Variants in PTPRO observed in about 807,000 individuals in gnomAD.
PTPRO encodes receptor-type tyrosine-protein phosphatase O.
PTPRO carries 62 observed loss-of-function variants against 145.2 expected under a neutral mutation model. That is an observed-to-expected ratio of 0.43 (90% CI 0.35 to 0.53). The LOEUF is 0.53. Among genes scored for constraint, PTPRO ranks in the 20% least tolerant of loss-of-function variants. The pLI is 0.01. For synonymous variants in PTPRO, 565 were observed against 514.7 expected, an observed-to-expected ratio of 1.10 and a Z score of -1.32; for missense variants, 1,345 against 1,482.7, an observed-to-expected ratio of 0.91 and a Z score of 1.53.
At chr12:15,429,896 T>TGAA (rs967017608) in intron 1 of PTPRO, among the ~76,000 whole-genome samples, 3 of 147,900 alleles carry the variant, frequency 2.0e-5, no homozygotes, top group Admixed American at 6.7e-5. Flanking sequence ...TACGAAAGAG[T>TGAA]GAAGGTAAGA....
chr12:15,420,657 A>G (rs1417940976), intron 1 of PTPRO, among the ~76,000 whole-genome samples: 1 of 148,162 alleles, frequency 6.7e-6, no homozygotes, highest in Admixed American at 6.6e-5. Flanking sequence ...AATAACTATC[A>G]TTATATCACA....
At position 15,578,790 on chromosome 12, in the gene PTPRO, T is replaced by TG. The variant is rs5796639; in HGVS notation, c.2830-63_2830-62insG. ...AAAGGGCTTGTGAGCAATAAACCAG[T>TG]TGAACAATAATCCAATTCACACCAC... is the stretch of plus-strand genomic sequence containing the variant. On this transcript the variant is annotated intron_variant, in intron 19 of 26. Coordinates refer to ENST00000281171, the MANE Select transcript of PTPRO (RefSeq NM_030667.3). 1,281,511 of 1,283,780 alleles carry TG rather than the reference T, an allele frequency of 1. 639,664 individuals carry two copies. Among genetic ancestry groups the TG allele is most frequent in the East Asian group, 1 (43,133 of 43,134 alleles). 79.5% of individuals were successfully genotyped at this position (1,283,780 alleles called of 1,614,324 possible).
At chr12:15,578,801 T>C in intron 19 of PTPRO, 52 bp from the exon 20 acceptor site, 1 of 1,375,176 alleles carries the variant, frequency 7.3e-7, no homozygotes, top group Non-Finnish European at 1.0e-6. Flanking sequence ...TGAACAATAA[T>C]CCAATTCACA....
chr12:15,554,749 G>A (rs1943573646), intron 15 of PTPRO, among the ~76,000 whole-genome samples: 2 of 152,136 alleles, frequency 1.3e-5, no homozygotes, highest in Non-Finnish European at 2.9e-5. Flanking sequence ...TGACTCATAT[G>A]TTAATCTCCT....
chr12:15,491,312 G>A (rs1941994949), intron 2 of PTPRO, among the ~76,000 whole-genome samples: 3 of 152,142 alleles, frequency 2.0e-5, no homozygotes, highest in African/African-American at 7.2e-5. Context: ...GTATTCTTTA[G>A]TCCAGCTAAA....
chr12:15,413,297 A>G (rs768148437), intron 1 of PTPRO, among the ~76,000 whole-genome samples: 10 of 152,098 alleles, frequency 6.6e-5, no homozygotes, highest in Admixed American at 5.2e-4. Context: ...GGGTTTCACC[A>G]TGTTGCTCAG....
chr12:15,557,824 C>T (rs1227284860), intron 16 of PTPRO, among the ~76,000 whole-genome samples: 1 of 152,138 alleles, frequency 6.6e-6, no homozygotes, highest in Admixed American at 6.5e-5. Flanking sequence ...AATGCAGGAG[C>T]GCCGCTGAAC....
intron 1 of PTPRO, among the ~76,000 whole-genome samples, chr12:15,352,942 A>G (rs762535897): frequency 5.3e-5 from 8 of 152,206 alleles, no homozygotes; most frequent in Admixed American, 1.3e-4. Flanking sequence ...TCAATATATC[A>G]TGCAGTAGAT....
chr12:15,420,975 T>A (rs1480237565), intron 1 of PTPRO, among the ~76,000 whole-genome samples: 3 of 152,212 alleles, frequency 2.0e-5, no homozygotes, highest in South Asian at 2.1e-4. Context: ...TAATAAAAAA[T>A]TTCAAATATA....
chr12:15,540,947 A>C (rs1242300936), intron 12 of PTPRO, among the ~76,000 whole-genome samples: 1 of 152,234 alleles, frequency 6.6e-6, no homozygotes, highest in Non-Finnish European at 1.5e-5. Context: ...GAAGAAAAGA[A>C]AATAGGGAAG....
chr12:15,547,071 T>C (rs940628810), intron 13 of PTPRO, among the ~76,000 whole-genome samples: 1 of 152,160 alleles, frequency 6.6e-6, no homozygotes, highest in Admixed American at 6.5e-5. Flanking sequence ...ACACACATGA[T>C]AGAATCAATA....
chr12:15,372,806 C>T (rs909192835), intron 1 of PTPRO, among the ~76,000 whole-genome samples: 1 of 152,146 alleles, frequency 6.6e-6, no homozygotes, highest in Admixed American at 6.6e-5. Context: ...GATAATCATA[C>T]TCATTTTTCC....
chr12:15,372,250 A>T (rs1565592186), intron 1 of PTPRO, among the ~76,000 whole-genome samples: 2 of 152,176 alleles, frequency 1.3e-5, no homozygotes. Context: ...GTAGGGGTGC[A>T]GTTCAAAACT....
Position 15,467,315 on chromosome 12 carries a change from T to C in PTPRO, c.76-16659T>C, listed in dbSNP as rs144826222. Among the ~76,000 whole-genome samples the C allele has an allele frequency of 4.9e-3, 740 of 152,216 alleles. 4 individuals are homozygous for C. The highest frequency in any genetic ancestry group is 0.037 in the South Asian group (178 of 4,814). On this transcript the variant is annotated intron_variant, in intron 1 of 26. Coordinates refer to ENST00000281171, the MANE Select transcript of PTPRO (RefSeq NM_030667.3). ...GGATGCCCACAGTCATCTCATACTT[T>C]ATATATATCAAACTGAACTAATGAT...
intron 1 of PTPRO, among the ~76,000 whole-genome samples, chr12:15,430,063 A>C (rs900939547): frequency 1.3e-5 from 2 of 151,984 alleles, no homozygotes; most frequent in Non-Finnish European, 2.9e-5. Flanking sequence ...TGCCTTTCTG[A>C]CGTTCAAGTA....
At chr12:15,347,257 T>C (rs1388829923) in intron 1 of PTPRO, among the ~76,000 whole-genome samples, 2 of 152,212 alleles carry the variant, frequency 1.3e-5, no homozygotes, top group African/African-American at 2.4e-5. Flanking sequence ...CAGTTTTCTA[T>C]TCTTTGAAAC....
intron 1 of PTPRO, among the ~76,000 whole-genome samples, chr12:15,430,778 T>C (rs1243557848): frequency 1.3e-5 from 2 of 152,172 alleles, no homozygotes; most frequent in Non-Finnish European, 2.9e-5. Flanking sequence ...ATTAGCTTGA[T>C]TTAACCATTC....
chr12:15,409,673 A>G (rs551886206), intron 1 of PTPRO, among the ~76,000 whole-genome samples: 1 of 152,304 alleles, frequency 6.6e-6, no homozygotes, highest in South Asian at 2.1e-4. Flanking sequence ...AGCTTTTACA[A>G]TCATGGTAGA....
At chr12:15,410,937 T>C (rs988430951) in intron 1 of PTPRO, among the ~76,000 whole-genome samples, 2 of 152,150 alleles carry the variant, frequency 1.3e-5, no homozygotes, top group Non-Finnish European at 1.5e-5. Context: ...TGCTAGACAA[T>C]TAACTTCCTA....
Sources: gnomAD v4.1 joint callset for allele counts (sites outside exome capture counted in the v4.1 genomes callset) on GRCh38, gnomAD v4.1.1 for gene constraint, MANE v1.5 for transcripts, NCBI Gene and HGNC (gene_info 2026-07-23, HGNC 2026-07-21) for gene names.